ENTHD1: variants seen among roughly 807,000 people sequenced by gnomAD.
ENTHD1 encodes ENTH domain containing 1.
ENTHD1 carries 23 observed loss-of-function variants against 39.1 expected under a neutral mutation model. The ratio of observed to expected loss-of-function variants is 0.59; its 90% CI spans 0.42 to 0.83. The LOEUF is 0.83. Ranked by LOEUF, ENTHD1 falls within the 40% of genes least tolerant of loss-of-function variation. The pLI, the probability that ENTHD1 is intolerant of heterozygous loss-of-function variation, is 0.00. For missense variants in ENTHD1, 624 were observed against 705.4 expected, an observed-to-expected ratio of 0.88 and a Z score of 1.31; for synonymous variants, 230 against 258.2, an observed-to-expected ratio of 0.89 and a Z score of 1.05.
intron 3 of ENTHD1, among the ~76,000 whole-genome samples, chr22:39,847,506 T>G (rs1178963913): frequency 6.6e-6 from 1 of 151,042 alleles, no homozygotes; most frequent in Non-Finnish European, 1.5e-5. Flanking sequence ...CCCTAAAACT[T>G]AAAGTATAAT....
chr22:39,769,711 A>G (rs2065307082), intron 5 of ENTHD1, among the ~76,000 whole-genome samples: 1 of 152,182 alleles, frequency 6.6e-6, no homozygotes, highest in African/African-American at 2.4e-5. Context: ...CATCTACAAG[A>G]TATAATCACT....
At chr22:39,860,637 A>G (rs898160100) in intron 3 of ENTHD1, among the ~76,000 whole-genome samples, 2 of 152,208 alleles carry the variant, frequency 1.3e-5, no homozygotes, top group East Asian at 3.8e-4. Context: ...AGCAAGCTTA[A>G]CTTGTGTTGG....
intron 6 of ENTHD1, among the ~76,000 whole-genome samples, chr22:39,748,017 G>A (rs1353349768): frequency 2.0e-5 from 3 of 152,114 alleles, no homozygotes; most frequent in Admixed American, 6.5e-5. Context: ...GGGAGGTCGA[G>A]GTGGGAGGAT....
Position 39,743,944 on chromosome 22 carries a change from T to C in ENTHD1, c.1559A>G (p.Asn520Ser). 6.2e-7 allele frequency: 1 copy of C among 1,614,142 alleles called. No individual in the cohort carries two copies. ...GGACAGAGGGATGAACTGGTCTACA[T>C]TTTGGGTGGAAAACTCCCCCCAGTG... ...SSHWGEFSTQ[N>S]VDQFIPLSCS... Residue 520 changes from asparagine (N) to serine (S), a missense_variant, in exon 7 of 7, where the codon AAT becomes AGT. Coordinates refer to ENST00000325157, the MANE Select transcript of ENTHD1 (RefSeq NM_152512.4).
intron 5 of ENTHD1, among the ~76,000 whole-genome samples, chr22:39,810,111 T>C (rs1253766856): frequency 2.6e-5 from 4 of 152,180 alleles, no homozygotes; most frequent in Admixed American, 6.5e-5. Context: ...GGGGAAGGTC[T>C]GAGCCCTTTG....
Position 39,875,976 on chromosome 22 carries a change from G to A in ENTHD1, c.349+11424C>T, listed in dbSNP as rs200568529. 9.9e-6 allele frequency: 16 copies of A among 1,613,824 alleles called. 1 individual carries two copies. The highest frequency in any genetic ancestry group is 1.4e-5 in the Non-Finnish European group (16 of 1,179,858). On this transcript the variant is annotated intron_variant, in intron 2 of 6. Coordinates refer to ENST00000325157, the MANE Select transcript of ENTHD1 (RefSeq NM_152512.4). ...GGTTGTGTACCCATTGCAAATGCAG[G>A]AGATTTTGGTGGTTATTACTGCCCT... is the stretch of plus-strand genomic sequence containing the variant.
At chr22:39,886,991 A>G (rs2066383767) in intron 2 of ENTHD1, among the ~76,000 whole-genome samples, 1 of 152,194 alleles carries the variant, frequency 6.6e-6, no homozygotes, top group Admixed American at 6.5e-5. Flanking sequence ...GTATCATTTT[A>G]TCAGAAACCT....
chr22:39,783,732 A>G (rs1005026778), intron 5 of ENTHD1, among the ~76,000 whole-genome samples: 1 of 152,172 alleles, frequency 6.6e-6, no homozygotes, highest in African/African-American at 2.4e-5. Context: ...ATCTCTCGCT[A>G]TACACAAAAA....
intron 5 of ENTHD1, 129 bp from the exon 6 acceptor site, chr22:39,765,738 G>T: frequency 1.1e-6 from 1 of 932,058 alleles, no homozygotes; most frequent in Non-Finnish European, 1.5e-6. Context: ...TTAGCCCTCT[G>T]CTTTCTTACT....
intron 5 of ENTHD1, among the ~76,000 whole-genome samples, chr22:39,811,313 C>T (rs189686992): frequency 1.2e-4 from 18 of 152,252 alleles, no homozygotes; most frequent in Admixed American, 1.1e-3. Context: ...AACAAAAGGC[C>T]CTGCAGCAGG....
chr22:39,871,930 G>A (rs998202061), intron 2 of ENTHD1, among the ~76,000 whole-genome samples: 3 of 152,132 alleles, frequency 2.0e-5, no homozygotes, highest in Non-Finnish European at 4.4e-5. Context: ...TTTGTTACAG[G>A]AAATTACATT....
At chr22:39,861,329 C>T (rs1327895038) in intron 3 of ENTHD1, among the ~76,000 whole-genome samples, 1 of 152,184 alleles carries the variant, frequency 6.6e-6, no homozygotes, top group East Asian at 1.9e-4. Context: ...CACTTGAGGT[C>T]ATGAGTTCGA....
At chr22:39,887,309 TCATGCAGTCCTC>T (rs1960393515) in intron 2 of ENTHD1, 79 bp downstream of exon 2, 1 of 1,109,978 alleles carries the variant, frequency 9.0e-7, no homozygotes, top group South Asian at 1.6e-5. Context: ...ATGCCTGGGC[TCATGCAGTCCTC>T]CCACCTCAGC....
intron 3 of ENTHD1, among the ~76,000 whole-genome samples, chr22:39,843,656 G>C (rs934596280): frequency 6.6e-6 from 1 of 152,094 alleles, no homozygotes; most frequent in Admixed American, 6.5e-5. Context: ...AGGCAGGCAG[G>C]AAGGATCGGG....
chr22:39,858,670 GTT>G (rs1382011695), intron 3 of ENTHD1, among the ~76,000 whole-genome samples: 1 of 152,220 alleles, frequency 6.6e-6, no homozygotes, highest in East Asian at 1.9e-4. Context: ...TAAACACTGT[GTT>G]TTAGCAGGCA....
At chr22:39,860,413 GCTGT>G (rs2066130198) in intron 3 of ENTHD1, among the ~76,000 whole-genome samples, 1 of 152,076 alleles carries the variant, frequency 6.6e-6, no homozygotes, top group Non-Finnish European at 1.5e-5. Context: ...AGAATGAGTG[GCTGT>G]CTCTTTCGGA....
intron 1 of ENTHD1, among the ~76,000 whole-genome samples, chr22:39,892,224 C>A (rs1028516643): frequency 1.3e-5 from 2 of 152,174 alleles, no homozygotes; most frequent in African/African-American, 4.8e-5. Flanking sequence ...TAGAAAAGGT[C>A]TTTTAGTGTT....
chr22:39,853,856 T>C (rs1056024071), intron 3 of ENTHD1, among the ~76,000 whole-genome samples: 6 of 152,218 alleles, frequency 3.9e-5, no homozygotes, highest in African/African-American at 1.4e-4. Flanking sequence ...ATTGCAGGCA[T>C]GAGCCACTGT....
At chr22:39,854,071 C>T (rs545854347) in intron 3 of ENTHD1, among the ~76,000 whole-genome samples, 8 of 152,294 alleles carry the variant, frequency 5.3e-5, no homozygotes, top group African/African-American at 1.9e-4. Context: ...CTCACACCCA[C>T]TCCACACTCA....
Sources: gnomAD v4.1 joint callset for allele counts (sites outside exome capture counted in the v4.1 genomes callset) on GRCh38, gnomAD v4.1.1 for gene constraint, MANE v1.5 for transcripts, NCBI Gene and HGNC (gene_info 2026-07-23, HGNC 2026-07-21) for gene names.